Variants in LYSMD3 observed in about 807,000 individuals in gnomAD.
The protein encoded by LYSMD3 is LysM domain containing 3, also known as lysM and putative peptidoglycan-binding domain-containing protein 3.
A neutral mutation model predicts 26.1 loss-of-function variants in LYSMD3; 13 were observed. That is an observed-to-expected ratio of 0.50 (90% CI 0.32 to 0.79). The LOEUF (loss-of-function observed/expected upper bound fraction) is 0.79. Among genes scored for constraint, LYSMD3 ranks in the 30% least tolerant of loss-of-function variants. The pLI is 0.03. For synonymous variants in LYSMD3, 109 were observed against 119.4 expected (o/e 0.91, Z 0.57); for missense variants, 331 against 362.5 (o/e 0.91, Z 0.71).
chr5:90,525,117 CTA>C lies in LYSMD3; in HGVS notation c.171_172del (p.Asp57GlufsTer3). 6.2e-7 allele frequency: 1 copy of C among 1,613,804 alleles called. No homozygotes were observed. ...TGTTAATACTATAATGTCGTCAAGT[CTA>C]TCTCTTGATGTACTTCTTCGGACTT... is the stretch of plus-strand genomic sequence containing the variant. On this transcript the variant is annotated frameshift_variant, in exon 2 of 3. Transcript: ENST00000315948. LOFTEE classifies it high-confidence loss of function.
intron 2 of LYSMD3, among the ~76,000 whole-genome samples, chr5:90,520,019 C>G (rs571941041): frequency 1.3e-5 from 2 of 151,934 alleles, no homozygotes; most frequent in East Asian, 3.9e-4. Flanking sequence ...AAAAAAGATG[C>G]TAAAATGTGT....
At chr5:90,527,514 T>A (rs894850720) in intron 1 of LYSMD3, among the ~76,000 whole-genome samples, 2 of 151,900 alleles carry the variant, frequency 1.3e-5, no homozygotes, top group Non-Finnish European at 2.9e-5. Flanking sequence ...ATGACGGTGA[T>A]GCCAAACAAC....
At chr5:90,524,632 G>A (rs780205548) in intron 2 of LYSMD3, among the ~76,000 whole-genome samples, 2 of 152,062 alleles carry the variant, frequency 1.3e-5, no homozygotes, top group Non-Finnish European at 2.9e-5. Flanking sequence ...TCGCTCGGTC[G>A]CCCAGGCTGG....
At chr5:90,525,513 G>A (rs956623375) in intron 1 of LYSMD3, among the ~76,000 whole-genome samples, 6 of 152,128 alleles carry the variant, frequency 3.9e-5, no homozygotes, top group African/African-American at 1.2e-4. Flanking sequence ...GCAGTAGTGC[G>A]ATCTCAGCTC....
intron 2 of LYSMD3, among the ~76,000 whole-genome samples, chr5:90,522,012 C>CA (rs5869508): frequency 0.57 from 86,179 of 151,818 alleles, 24,743 homozygotes; most frequent in African/African-American, 0.64. Context: ...TTCTGTTCAT[C>CA]CCTTTCCCAC....
At chr5:90,524,584 C>G (rs1753170175) in intron 2 of LYSMD3, among the ~76,000 whole-genome samples, 2 of 152,164 alleles carry the variant, frequency 1.3e-5, no homozygotes, top group African/African-American at 2.4e-5. Context: ...AAATGTGACA[C>G]AGATTTCTTT....
At chr5:90,529,026 G>A (rs1402888183) in intron 1 of LYSMD3, among the ~76,000 whole-genome samples, 1 of 152,016 alleles carries the variant, frequency 6.6e-6, no homozygotes, top group Non-Finnish European at 1.5e-5. Flanking sequence ...TCCTCCCTCT[G>A]TATTCCACAC....
chr5:90,516,711 TTAAA>T lies in LYSMD3; in HGVS notation c.*2104_*2107del, dbSNP rs1752960093. The T allele has an allele frequency of 1.3e-5, 2 of 152,378 alleles. No individual in the cohort carries two copies. The highest frequency in any genetic ancestry group is 4.8e-5 in the African/African-American group (2 of 41,440). 9.4% of individuals were successfully genotyped at this position (152,378 alleles called of 1,614,324 possible). ...TATTCAATTAATTCAAATATATAAT[TTAAA>T]TACAGAAAAAAGAAAACTACCTGAT... On this transcript the variant is annotated 3_prime_UTR_variant, in exon 3 of 3. Coordinates refer to ENST00000315948, the MANE Select transcript of LYSMD3 (RefSeq NM_198273.2).
Position 90,519,320 on chromosome 5 carries a change from T to C in LYSMD3, c.420A>G (p.Glu140=), listed in dbSNP as rs1177742738. Residue 140 remains glutamate, a synonymous_variant, in exon 3 of 3, where the codon GAA becomes GAG. Transcript: ENST00000315948. ...SRHSSVQYSS[E]QQEILPANDS... ...CATTAGCTGGCAAAATTTCCTGTTG[T>C]TCGGAAGAGTATTGAACAGATGAAT... 15 of 1,613,976 alleles carry C rather than the reference T, an allele frequency of 9.3e-6. No individual in the cohort carries two copies. Among genetic ancestry groups the C allele is most frequent in the African/African-American group, 1.3e-5 (1 of 74,912 alleles).
At chr5:90,524,057 C>T (rs1013041978) in intron 2 of LYSMD3, among the ~76,000 whole-genome samples, 7 of 152,082 alleles carry the variant, frequency 4.6e-5, no homozygotes, top group Non-Finnish European at 1.0e-4. Flanking sequence ...AAGGCAGTGC[C>T]ATTTAAAGAT....
intron 1 of LYSMD3, 74 bp from the exon 2 acceptor site, chr5:90,525,374 T>C: frequency 7.5e-7 from 1 of 1,326,536 alleles, no homozygotes; most frequent in Non-Finnish European, 1.0e-6. Flanking sequence ...GCATCGTACA[T>C]TCAGGACACA....
At position 90,520,905 on chromosome 5, in the gene LYSMD3, C is replaced by T. The variant is rs542778943; in HGVS notation, c.256-1421G>A. ...CTGCACTCCAGCCTGGGCAACAGAG[C>T]GAGACTCCATCTCAAAAAAAAAAAA... is the stretch of plus-strand genomic sequence containing the variant. On this transcript the variant is annotated intron_variant, in intron 2 of 2. Transcript: ENST00000315948. Among the ~76,000 whole-genome samples the T allele has an allele frequency of 4.7e-5, 7 of 149,650 alleles. 1 individual carries two copies. The South Asian group carries it at 8.4e-4, about 18-fold the overall frequency.
Position 90,517,774 on chromosome 5 carries a change from T to C in LYSMD3, c.*1045A>G, listed in dbSNP as rs1382188029. The C allele has an allele frequency of 6.6e-6, 1 of 152,540 alleles. No homozygotes were observed. The highest frequency in any genetic ancestry group is 2.4e-5 in the African/African-American group (1 of 41,458). 9.4% of individuals were successfully genotyped at this position (152,540 alleles called of 1,614,324 possible). A position where few individuals can be genotyped will look rare whatever the true frequency, so the allele number is the denominator to read the frequency against. On this transcript the variant is annotated 3_prime_UTR_variant, in exon 3 of 3. Transcript: ENST00000315948. ...CTTTTTTGCTTAATGAACCATTTTC[T>C]TCAACAGACCTCAAAGGCAGTTTTG...
At position 90,519,324 on chromosome 5, in the gene LYSMD3, G is replaced by T; in HGVS notation, c.416C>A (p.Ser139Tyr). The T allele has an allele frequency of 6.2e-7, 1 of 1,614,078 alleles. No homozygotes were observed. The change falls in exon 3 of 3, where the codon TCC becomes TAC. Residue 139 changes from serine to tyrosine, a missense_variant. Physicochemically the swap from Ser to Tyr is moderately radical, Grantham distance 144. Coordinates refer to ENST00000315948, the MANE Select transcript of LYSMD3 (RefSeq NM_198273.2). ...AGCTGGCAAAATTTCCTGTTGTTCG[G>T]AAGAGTATTGAACAGATGAATGACG... Reference protein sequence around the residue: ...TSRHSSVQYSSEQQEILPAND... With the variant: ...TSRHSSVQYSYEQQEILPAND...
Position 90,529,536 on chromosome 5 carries a change from C to G in LYSMD3, c.-100G>C, listed in dbSNP as rs1216912751. 1 of 456,616 alleles carries G rather than the reference C, an allele frequency of 2.2e-6. No individual in the cohort carries two copies. Among genetic ancestry groups the G allele is most frequent in the Non-Finnish European group, 4.4e-6 (1 of 226,990 alleles). The allele number at this position is 456,616 out of a possible 1,614,324, so 28.3% of individuals were successfully genotyped here. ...CCCGGGTAAGTTCATGGCCGAGCCT[C>G]TGCTTTGGGCTGACCCCGTCCGCCT... On this transcript the variant is annotated 5_prime_UTR_variant, in exon 1 of 3. Transcript: ENST00000315948.
At chr5:90,524,940 A>T (rs1753181572) in intron 2 of LYSMD3, 95 bp downstream of exon 2, 1 of 1,162,322 alleles carries the variant, frequency 8.6e-7, no homozygotes, top group South Asian at 1.6e-5. Context: ...AAATGGAGAA[A>T]GGAATAAACA....
chr5:90,519,229 T>G lies in LYSMD3; in HGVS notation c.511A>C (p.Ile171Leu). The G allele has an allele frequency of 3.1e-6, 5 of 1,614,018 alleles. No homozygotes were observed. The highest frequency in any genetic ancestry group is 4.2e-6 in the Non-Finnish European group (5 of 1,179,990). ...CTCTTATTGTCTGTACACTTTACTATTTGTTCTATGTCTCGGTCTACTTCT... is the reference window on the plus strand; with the variant it reads ...CTCTTATTGTCTGTACACTTTACTAGTTGTTCTATGTCTCGGTCTACTTCT... ...LKEVDRDIEQ[I>L]VKCTDNKREN... is the part of the protein sequence containing the mutation. The change falls in exon 3 of 3, where the codon ATA becomes CTA. Residue 171 changes from isoleucine to leucine, a missense_variant. Physicochemically the swap from Ile to Leu is conservative, Grantham distance 5. Coordinates refer to ENST00000315948, the MANE Select transcript of LYSMD3 (RefSeq NM_198273.2).
intron 2 of LYSMD3, among the ~76,000 whole-genome samples, chr5:90,520,902 G>C (rs573754977): frequency 6.6e-6 from 1 of 151,370 alleles, no homozygotes; most frequent in South Asian, 2.1e-4. Context: ...CTGGGCAACA[G>C]AGCGAGACTC....
chr5:90,520,115 T>C (rs2061039534), intron 2 of LYSMD3, among the ~76,000 whole-genome samples: 1 of 152,302 alleles, frequency 6.6e-6, no homozygotes, highest in Admixed American at 6.5e-5. Flanking sequence ...AACTTCTCAG[T>C]GTAAATGCAT....
Sources: gnomAD v4.1 joint callset for allele counts (sites outside exome capture counted in the v4.1 genomes callset) on GRCh38, gnomAD v4.1.1 for gene constraint, MANE v1.5 for transcripts, NCBI Gene and HGNC (gene_info 2026-07-23, HGNC 2026-07-21) for gene names.